The following MIB1 variants were observed in gnomAD, a reference collection of about 807,000 sequenced individuals.
MIB1 encodes E3 ubiquitin-protein ligase MIB1.
Under a neutral mutation model 124.5 loss-of-function variants are expected in MIB1, and 278 were observed. The observed-to-expected ratio is 2.23, with a 90% CI of 2.02 to 2.47. MIB1 has a LOEUF of 2.47. Among genes scored for constraint, MIB1 ranks in the 30% most tolerant of loss-of-function variants. The probability of loss-of-function intolerance (pLI) is 0.00; values close to 1 mark genes in which losing one functional copy is unlikely to be tolerated. For missense variants in MIB1, 957 were observed against 1,254.4 expected (o/e 0.76, Z 3.58); for synonymous variants, 446 against 429.4 (o/e 1.04, Z -0.48).
chr18:21,860,566 A>G (rs2042268379), intron 20 of MIB1, among the ~76,000 whole-genome samples: 1 of 152,192 alleles, frequency 6.6e-6, no homozygotes, highest in Admixed American at 6.5e-5. Flanking sequence ...CATTTGACCA[A>G]GTTACTAAAT....
intron 12 of MIB1, chr18:21,828,202 A>G (rs1427773770): frequency 6.6e-6 from 1 of 152,004 alleles, no homozygotes; most frequent in African/African-American, 2.4e-5. Context: ...TTCATTTTAC[A>G]TGCCCTCTTT....
chr18:21,727,044 T>C (rs769141006), intron 1 of MIB1, among the ~76,000 whole-genome samples: 2 of 152,162 alleles, frequency 1.3e-5, no homozygotes, highest in African/African-American at 2.4e-5. Flanking sequence ...GCTTCCTTGT[T>C]TATTATTCTC....
At chr18:21,840,665 A>ATATT (rs2042080008) in intron 13 of MIB1, among the ~76,000 whole-genome samples, 1 of 3,138 alleles carries the variant, frequency 3.2e-4, no homozygotes, top group African/African-American at 4.3e-4. Flanking sequence ...ATATATATAT[A>ATATT]TTTTTTTTTT....
chr18:21,838,267 T>C lies in MIB1; in HGVS notation c.1830-98T>C, dbSNP rs1030135675. The C allele has an allele frequency of 8.7e-5, 65 of 745,916 alleles. No homozygotes were observed. The African/African-American group carries it at 1.1e-3, about 13-fold the overall frequency. The allele number at this position is 745,916 out of a possible 1,614,324, so 46.2% of individuals were successfully genotyped here. The stretch of plus-strand genomic sequence containing the variant: ...ATTTCTATTTGTCTCTAAGAGCATT[T>C]TTTTCTTTAAAGAGGAGTATCTTCA... On this transcript the variant is annotated intron_variant, in intron 12 of 20. Transcript: ENST00000261537.
At chr18:21,813,658 A>ATTT (rs1404614469) in intron 10 of MIB1, among the ~76,000 whole-genome samples, 2 of 152,244 alleles carry the variant, frequency 1.3e-5, no homozygotes, top group Non-Finnish European at 2.9e-5. Flanking sequence ...CGCAAAGACC[A>ATTT]AAAACTACTT....
chr18:21,800,131 A>C (rs2041634588), intron 9 of MIB1, among the ~76,000 whole-genome samples, 157 bp downstream of exon 9: 1 of 152,056 alleles, frequency 6.6e-6, no homozygotes, highest in African/African-American at 2.4e-5. Flanking sequence ...GACATTCTTC[A>C]GTGTGCATTT....
chr18:21,753,674 T>C (rs888476585), intron 1 of MIB1, among the ~76,000 whole-genome samples: 4 of 151,652 alleles, frequency 2.6e-5, no homozygotes, highest in African/African-American at 9.7e-5. Flanking sequence ...CATTTCTTTT[T>C]CTTTCTTTCG....
intron 12 of MIB1, chr18:21,825,759 AT>A: frequency 1.9e-6 from 1 of 527,536 alleles, no homozygotes; most frequent in Non-Finnish European, 3.9e-6. Context: ...ATTTGGTTCC[AT>A]TTTACCAGCT....
upstream of MIB1, among the ~76,000 whole-genome samples, chr18:21,740,719 G>A (rs2040836109): frequency 6.6e-6 from 1 of 152,338 alleles, no homozygotes; most frequent in Non-Finnish European, 1.5e-5. Context: ...CCCTGGGCCC[G>A]CCCCTCCATC....
chr18:21,838,640 AT>A lies in MIB1; in HGVS notation c.1962+144del, dbSNP rs1345172899. 9.8e-6 allele frequency: 6 copies of A among 612,026 alleles called. No individual in the cohort carries two copies. The East Asian group carries it at 1.5e-4, about 15-fold the overall frequency. The allele number at this position is 612,026 out of a possible 1,614,324, so 37.9% of individuals were successfully genotyped here. On this transcript the variant is annotated intron_variant, in intron 13 of 20. Transcript: ENST00000261537. Reference sequence around the variant, plus strand: ...TCATGATGATGAAAATTCAGATATAATGCATATTCTGTCTTCTGCCTAATAC... The same window carrying A: ...TCATGATGATGAAAATTCAGATATAAGCATATTCTGTCTTCTGCCTAATAC...
At chr18:21,854,731 G>C (rs1210422269) in intron 18 of MIB1, 7 of 173,540 alleles carry the variant, frequency 4.0e-5, no homozygotes, top group Non-Finnish European at 7.2e-5. Context: ...TGGTCCTGTC[G>C]TGGATACATT....
chr18:21,757,874 A>G (rs1033438939), intron 1 of MIB1, among the ~76,000 whole-genome samples: 20 of 152,182 alleles, frequency 1.3e-4, no homozygotes, highest in African/African-American at 4.6e-4. Context: ...AGTAGAGTGC[A>G]TGGGGGAACA....
At chr18:21,768,785 T>C (rs184670727) in intron 3 of MIB1, 33 bp downstream of exon 3, 3 of 1,574,996 alleles carry the variant, frequency 1.9e-6, no homozygotes, top group Non-Finnish European at 8.6e-7. Context: ...TTATGTATTC[T>C]AGAGTATTAT....
At chr18:21,831,808 A>G (rs1882139593) in intron 12 of MIB1, among the ~76,000 whole-genome samples, 2 of 152,156 alleles carry the variant, frequency 1.3e-5, no homozygotes, top group South Asian at 4.1e-4. Context: ...AGGAAAGAGG[A>G]AAAAAATTAC....
intron 1 of MIB1, among the ~76,000 whole-genome samples, chr18:21,734,460 T>C (rs1033704306): frequency 5.2e-5 from 7 of 135,326 alleles, no homozygotes; most frequent in African/African-American, 1.9e-4. Flanking sequence ...CTCTTTTCTT[T>C]TCTTTCTCTC....
chr18:21,779,625 G>T lies in MIB1; in HGVS notation c.848G>T (p.Gly283Val). ...DGMFETLTTTGTVCGIDEDHD... is the reference protein window; with the variant it reads ...DGMFETLTTTVTVCGIDEDHD... ...ATGTTTGAGACTTTAACTACAACTG[G>T]AACTGTTTGTGGCATTGATGAAGAT... Residue 283 changes from glycine (G) to valine (V), a missense_variant, in exon 6 of 21, where the codon GGA (glycine) becomes GTA (valine). Physicochemically the swap from Gly to Val is moderately radical, Grantham distance 109 (BLOSUM62 -3). Coordinates refer to ENST00000261537, the MANE Select transcript of MIB1 (RefSeq NM_020774.4). 6.2e-7 allele frequency: 1 copy of T among 1,614,066 alleles called. No individual in the cohort carries two copies. The highest frequency in any genetic ancestry group is 8.5e-7 in the Non-Finnish European group (1 of 1,179,982).
chr18:21,815,854 G>T (rs2041825633), intron 11 of MIB1, 41 bp downstream of exon 11: 1 of 1,556,626 alleles, frequency 6.4e-7, no homozygotes, highest in African/African-American at 1.4e-5. Context: ...GTATTGCTAG[G>T]ATCCTATTAA....
chr18:21,746,912 C>T (rs1257520194), intron 1 of MIB1, among the ~76,000 whole-genome samples: 1 of 152,098 alleles, frequency 6.6e-6, no homozygotes. Flanking sequence ...TTTAAAAGGG[C>T]TGACCCTGGA....
Position 21,786,757 on chromosome 18 carries a change from C to T in MIB1, c.909-4617C>T, listed in dbSNP as rs550339206. Reference sequence around the variant, plus strand: ...GATGCATTTTTCATTTCAACAGATACATTTCTCAGTTCTAGGATTTTTGTT... The same window carrying T: ...GATGCATTTTTCATTTCAACAGATATATTTCTCAGTTCTAGGATTTTTGTT... On this transcript the variant is annotated intron_variant, in intron 6 of 20. Coordinates refer to ENST00000261537, the MANE Select transcript of MIB1 (RefSeq NM_020774.4). Among the ~76,000 whole-genome samples the T allele has an allele frequency of 3.9e-5, 6 of 152,278 alleles. No individual in the cohort carries two copies. The South Asian group carries it at 6.2e-4, about 16-fold the overall frequency.
Sources: allele counts gnomAD v4.1 joint callset (sites outside exome capture counted in the v4.1 genomes callset), GRCh38; gene constraint gnomAD v4.1.1; transcripts MANE v1.5; gene names NCBI Gene and HGNC (gene_info 2026-07-23, HGNC 2026-07-21).